The following HSF1 variants were observed in gnomAD, a reference collection of about 807,000 sequenced individuals.
HSF1 encodes the protein heat shock transcription factor 1.
In HSF1, 32 loss-of-function variants were observed where a neutral mutation model predicts 51.7. The observed-to-expected ratio is 0.62, with a 90% CI of 0.47 to 0.83. The LOEUF (loss-of-function observed/expected upper bound fraction) is 0.83. HSF1 is among the 40% of genes least tolerant of loss of function. HSF1 has a pLI of 0.00. For missense variants in HSF1, 727 were observed against 717.0 expected (o/e 1.01, Z -0.16); for synonymous variants, 396 against 309.7 (o/e 1.28, Z -2.92).
chr8:144,308,705 C>A (rs574960780), intron 1 of HSF1, among the ~76,000 whole-genome samples: 95 of 152,338 alleles, frequency 6.2e-4, no homozygotes, highest in Non-Finnish European at 1.2e-3. Context: ...GCAGGTCACG[C>A]TGCACAGATG....
intron 1 of HSF1, among the ~76,000 whole-genome samples, chr8:144,307,420 T>G (rs1025445190): frequency 1.3e-5 from 2 of 152,068 alleles, no homozygotes; most frequent in Admixed American, 1.3e-4. Flanking sequence ...AGGCTGCAGA[T>G]GGAGTGGGAA....
chr8:144,292,602 G>A (rs1554840570), intron 1 of HSF1: 1 of 152,238 alleles, frequency 6.6e-6, no homozygotes, highest in African/African-American at 2.4e-5. Context: ...TCACATCCCG[G>A]CTGTGACGTC....
intron 1 of HSF1, among the ~76,000 whole-genome samples, chr8:144,305,215 G>A (rs1433782367): frequency 6.6e-6 from 1 of 152,176 alleles, no homozygotes; most frequent in African/African-American, 2.4e-5. Context: ...CCAACATGCT[G>A]GGATTACAGG....
chr8:144,300,274 T>G (rs1024618141), intron 1 of HSF1, among the ~76,000 whole-genome samples: 1 of 138,966 alleles, frequency 7.2e-6, no homozygotes, highest in South Asian at 2.3e-4. Flanking sequence ...TGGAGTGCAG[T>G]GGCACAATCT....
At chr8:144,309,166 G>T in intron 2 of HSF1, 152 bp downstream of exon 2, 2 of 697,828 alleles carry the variant, frequency 2.9e-6, no homozygotes, top group African/African-American at 1.8e-5. Context: ...CCGGGGAGCA[G>T]CCGCCTCTTC....
At position 144,308,959 on chromosome 8, in the gene HSF1, G is replaced by T; in HGVS notation, c.171G>T (p.Leu57=). 18 of 1,614,162 alleles carry T rather than the reference G, an allele frequency of 1.1e-5. No homozygotes were observed. The highest frequency in any genetic ancestry group is 1.4e-5 in the Non-Finnish European group (17 of 1,179,988). The change falls in exon 2 of 13, where the codon CTG becomes CTT. Residue 57 remains leucine, a synonymous_variant. Transcript: ENST00000528838. ...FDQGQFAKEV[L]PKYFKHNNMA... ...AGGGCCAGTTTGCCAAGGAGGTGCT[G>T]CCCAAGTACTTCAAGCACAACAACA...
rs545964111 is a variant in HSF1 at position 144,311,817 on chromosome 8, G to C, written c.841G>C (p.Gly281Arg). ...TCCTGCCAGCCCCATGGCCTCCCCC[G>C]GCGGGAGCATAGACGAGAGGTGGGG... ...LAPASPMASP[G>R]GSIDERPLSS... The change falls in exon 8 of 13, where the codon GGC becomes CGC. Residue 281 changes from glycine to arginine, a missense_variant. By Grantham distance (125) the Gly-to-Arg change is moderately radical (BLOSUM62 -2). Around this residue, in one of 2 missense-constraint regions of HSF1, gnomAD observed 470 missense variants for 398.8 expected, o/e 1.18. Transcript: ENST00000528838. 5 of 1,610,140 alleles carry C rather than the reference G, an allele frequency of 3.1e-6. No individual in the cohort carries two copies. The Admixed American group carries it at 8.4e-5, about 27-fold the overall frequency.
intron 1 of HSF1, among the ~76,000 whole-genome samples, chr8:144,301,600 CT>C: frequency 6.6e-6 from 1 of 152,232 alleles, no homozygotes; most frequent in South Asian, 2.1e-4. Context: ...GGCGCGGTGG[CT>C]CACGCCTGTA....
chr8:144,311,497 C>G lies in HSF1; in HGVS notation c.627-8C>G. The G allele has an allele frequency of 6.2e-7, 1 of 1,613,378 alleles. No homozygotes were observed. The highest frequency in any genetic ancestry group is 8.5e-7 in the Non-Finnish European group (1 of 1,179,798). On this transcript the variant is annotated splice_polypyrimidine_tract_variant and splice_region_variant and intron_variant, in intron 6 of 12. Coordinates refer to ENST00000528838, the MANE Select transcript of HSF1 (RefSeq NM_005526.4). ...GGGGTGGTGGCTGACCTGCACCCTT[C>G]CCCACAGCCCCCTGATGCTGAACGA...
chr8:144,311,037 C>T (rs1249570192), intron 4 of HSF1, 137 bp from the exon 5 acceptor site: 9 of 770,182 alleles, frequency 1.2e-5, no homozygotes, highest in African/African-American at 5.2e-5. Context: ...CACAAGTTCT[C>T]ATCCTGGGGT....
Position 144,291,726 on chromosome 8 carries a change from C to T in HSF1, c.-32C>T. 1.5e-6 allele frequency: 2 copies of T among 1,313,854 alleles called. No homozygotes were observed. The highest frequency in any genetic ancestry group is 2.4e-5 in the Admixed American group (1 of 42,336). The allele number at this position is 1,313,854 out of a possible 1,614,324, so 81.4% of individuals were successfully genotyped here. ...CCGGCCCTCGGCCCCTCTTTGCGGC[C>T]GCTCCCTCCGCCTATTCCCTCCTTG... On this transcript the variant is annotated 5_prime_UTR_variant, in exon 1 of 13. Transcript: ENST00000528838. This position sits in a 1 kb window ranked among gnomAD's most constrained non-coding sequence, Gnocchi z 4.1.
intron 12 of HSF1, 35 bp from the exon 13 acceptor site, chr8:144,314,090 A>AG: frequency 4.7e-6 from 2 of 429,014 alleles, no homozygotes; most frequent in Non-Finnish European, 6.9e-6. Flanking sequence ...CTCTGCCCCC[A>AG]ACCCCCCACC....
At chr8:144,306,597 G>A (rs1469544472) in intron 1 of HSF1, among the ~76,000 whole-genome samples, 1 of 152,062 alleles carries the variant, frequency 6.6e-6, no homozygotes, top group Non-Finnish European at 1.5e-5. Context: ...TCCTGAGCTT[G>A]AGCAACCCAC....
chr8:144,296,102 G>A (rs1163968390), intron 1 of HSF1, among the ~76,000 whole-genome samples: 1 of 152,220 alleles, frequency 6.6e-6, no homozygotes, highest in Non-Finnish European at 1.5e-5. Flanking sequence ...CAGTGGTCAG[G>A]TGGCCGCTGT....
Position 144,312,059 on chromosome 8 carries a change from T to C in HSF1, c.957T>C (p.Ser319=). Residue 319 remains serine (S), a synonymous_variant, in exon 9 of 13, where the codon TCT becomes TCC. Transcript: ENST00000528838. ...AGGAGGCGAGTCCCGGGCGCCCATC[T>C]TCCGTGGACACCCTCTTGTCCCCGA... ...RVEEASPGRP[S]SVDTLLSPTA... 1 of 1,611,986 alleles carries C rather than the reference T, an allele frequency of 6.2e-7. No individual in the cohort carries two copies.
At chr8:144,302,219 T>A (rs113432257) in intron 1 of HSF1, among the ~76,000 whole-genome samples, 147,521 of 151,956 alleles carry the variant, frequency 0.97, 71,746 homozygotes, top group East Asian at 1. Flanking sequence ...TAAAAAAAAT[T>A]AAAGGCAGGC....
chr8:144,300,343 C>T (rs781814614), intron 1 of HSF1, among the ~76,000 whole-genome samples: 38 of 151,716 alleles, frequency 2.5e-4, no homozygotes, highest in Admixed American at 5.9e-4. Flanking sequence ...CAGCCTCCCA[C>T]GAAGCTGGGA....
chr8:144,295,007 G>A (rs1029655458), intron 1 of HSF1, among the ~76,000 whole-genome samples: 1 of 152,134 alleles, frequency 6.6e-6, no homozygotes, highest in Non-Finnish European at 1.5e-5. Flanking sequence ...ACCCAAAGAC[G>A]GGGTTGGGGG....
chr8:144,300,532 TG>T (rs1314704892), intron 1 of HSF1, among the ~76,000 whole-genome samples: 1 of 152,178 alleles, frequency 6.6e-6, no homozygotes, highest in Non-Finnish European at 1.5e-5. Flanking sequence ...CTTGATAGGA[TG>T]ATGAGAACAG....
Sources: allele counts gnomAD v4.1 joint callset (sites outside exome capture counted in the v4.1 genomes callset), GRCh38; gene constraint gnomAD v4.1.1; regional missense constraint gnomAD v4.1.1; non-coding constraint Gnocchi (gnomAD v3.1); transcripts MANE v1.5; gene names NCBI Gene and HGNC (gene_info 2026-07-23, HGNC 2026-07-21).